Variants in FANCC observed in about 807,000 individuals in gnomAD.
FANCC encodes the protein FA complementation group C, also known as Fanconi anemia group C protein.
A neutral mutation model predicts 71.3 loss-of-function variants in FANCC; 55 were observed. The observed-to-expected ratio is 0.77, with a 90% CI of 0.62 to 0.97. FANCC has a LOEUF of 0.97. FANCC is among the 50% of genes least tolerant of loss of function. The probability of loss-of-function intolerance (pLI) is 0.00; values close to 1 mark genes in which losing one functional copy is unlikely to be tolerated. For synonymous variants in FANCC, 275 were observed against 244.9 expected, an observed-to-expected ratio of 1.12 and a Z score of -1.15; for missense variants, 678 against 670.9, an observed-to-expected ratio of 1.01 and a Z score of -0.12.
intron 13 of FANCC, 50 bp from the exon 14 acceptor site, chr9:95,107,319 C>T (rs1463422094): frequency 1.3e-6 from 2 of 1,567,702 alleles, no homozygotes; most frequent in Non-Finnish European, 1.7e-6. Context: ...GCAGGACAGA[C>T]ATACTTCTAG....
chr9:95,116,743 G>A (rs2072455575), intron 11 of FANCC, among the ~76,000 whole-genome samples: 1 of 152,234 alleles, frequency 6.6e-6, no homozygotes, highest in Non-Finnish European at 1.5e-5. Flanking sequence ...CCAGTCGAAT[G>A]AAGGCTGGAA....
chr9:95,143,809 TCTTTA>T (rs1209117345), intron 7 of FANCC, among the ~76,000 whole-genome samples: 23 of 152,168 alleles, frequency 1.5e-4, no homozygotes, highest in African/African-American at 5.6e-4. Context: ...TTTTATGCCG[TCTTTA>T]GCCTGCAGGT....
intron 1 of FANCC, among the ~76,000 whole-genome samples, chr9:95,275,004 C>T (rs1157032757): frequency 1.3e-5 from 2 of 151,218 alleles, no homozygotes; most frequent in Non-Finnish European, 2.9e-5. Flanking sequence ...GTGGCTCATG[C>T]TTGTAATCCC....
chr9:95,267,322 T>C (rs1832439311), intron 1 of FANCC, among the ~76,000 whole-genome samples: 1 of 152,134 alleles, frequency 6.6e-6, no homozygotes, highest in African/African-American at 2.4e-5. Context: ...GGAGGACACC[T>C]GTCAGGCAGG....
At chr9:95,135,593 A>G in intron 7 of FANCC, 91 bp from the exon 8 acceptor site, 2 of 1,050,728 alleles carry the variant, frequency 1.9e-6, no homozygotes, top group South Asian at 1.4e-5. Context: ...CACTAATCCA[A>G]TTTGTGAGAC....
intron 4 of FANCC, among the ~76,000 whole-genome samples, chr9:95,204,816 T>C (rs1000876816): frequency 1.3e-5 from 2 of 152,196 alleles, no homozygotes; most frequent in African/African-American, 2.4e-5. Context: ...ACCCAGACTC[T>C]GGAGTTCCAA....
In FANCC at chr9:95,138,688, C is replaced by T. The variant is rs73654534; in HGVS notation, c.687-3186G>A. On this transcript the variant is annotated intron_variant, in intron 7 of 14. Transcript: ENST00000289081. Reference sequence around the variant, plus strand: ...CACATCCTGGCCGAGAGCCATGGCACGGTGTTTGTCATTCATCCTGCCAGG... The same window carrying T: ...CACATCCTGGCCGAGAGCCATGGCATGGTGTTTGTCATTCATCCTGCCAGG... Among the ~76,000 whole-genome samples, 572 of 152,302 alleles carry T rather than the reference C, an allele frequency of 3.8e-3. 2 individuals are homozygous for T. The highest frequency in any genetic ancestry group is 0.013 in the African/African-American group (554 of 41,574).
intron 8 of FANCC, among the ~76,000 whole-genome samples, chr9:95,134,816 G>A (rs906606121): frequency 4.6e-5 from 7 of 152,224 alleles, no homozygotes; most frequent in Admixed American, 1.3e-4. Context: ...GCACAGTCCT[G>A]AGCGGGAAGG....
intron 6 of FANCC, among the ~76,000 whole-genome samples, chr9:95,150,876 CT>C (rs1393442176): frequency 2.0e-5 from 3 of 152,196 alleles, no homozygotes; most frequent in Non-Finnish European, 4.4e-5. Context: ...TCAAATGTCC[CT>C]TTGTTAAGTG....
chr9:95,166,531 T>A (rs1373829921), intron 6 of FANCC, among the ~76,000 whole-genome samples: 1 of 152,160 alleles, frequency 6.6e-6, no homozygotes, highest in South Asian at 2.1e-4. Context: ...ACAAATTACA[T>A]CCTTTTCTAT....
rs975109683 is a variant in FANCC at position 95,219,781 on chromosome 9, G to A, written c.345+20868C>T. Among the ~76,000 whole-genome samples the A allele has an allele frequency of 1.2e-4, 19 of 152,074 alleles. 1 individual carries two copies. The highest frequency in any genetic ancestry group is 4.3e-4 in the African/African-American group (18 of 41,418). On this transcript the variant is annotated intron_variant, in intron 4 of 14. Coordinates refer to ENST00000289081, the MANE Select transcript of FANCC (RefSeq NM_000136.3). ...AAAAACCCTAGAAGAAAACCTAGGC[G>A]TACCATTCAGGATCTAGGCATGGAC...
intron 6 of FANCC, among the ~76,000 whole-genome samples, chr9:95,159,038 T>A (rs771905392): frequency 2.0e-5 from 3 of 152,198 alleles, no homozygotes; most frequent in Non-Finnish European, 4.4e-5. Flanking sequence ...TTGACCTTTT[T>A]TTTTTTAATT....
chr9:95,289,409 T>C (rs1209108862), intron 1 of FANCC, among the ~76,000 whole-genome samples: 2 of 152,074 alleles, frequency 1.3e-5, no homozygotes, highest in East Asian at 1.9e-4. Flanking sequence ...CAACTGAACC[T>C]TGAAGTGCGC....
At chr9:95,113,304 TAC>T (rs2072109428) in intron 12 of FANCC, among the ~76,000 whole-genome samples, 1 of 152,154 alleles carries the variant, frequency 6.6e-6, no homozygotes, top group African/African-American at 2.4e-5. Context: ...GGTGTGAGAC[TAC>T]AGAGAATTCC....
chr9:95,294,726 T>C lies in FANCC; in HGVS notation c.-79+22800A>G. ...CAATGGACGACTTTCTTCTGGCTGA[T>C]ATGGCCTGGAACATGATGGAGTCTC... On this transcript the variant is annotated intron_variant, in intron 1 of 14. Transcript: ENST00000289081. 4 of 1,602,770 alleles carry C rather than the reference T, an allele frequency of 2.5e-6. No homozygotes were observed. The South Asian group carries it at 4.4e-5, about 18-fold the overall frequency.
intron 4 of FANCC, among the ~76,000 whole-genome samples, chr9:95,233,973 C>T (rs960826330): frequency 6.6e-6 from 1 of 152,202 alleles, no homozygotes. Context: ...GTTCCCACTT[C>T]CTCTCAGGAT....
chr9:95,311,133 A>C (rs1363258006), intron 1 of FANCC, among the ~76,000 whole-genome samples: 1 of 150,918 alleles, frequency 6.6e-6, no homozygotes, highest in Non-Finnish European at 1.5e-5. Context: ...AGTCCCAGCT[A>C]CTCAGGAGGA....
intron 10 of FANCC, among the ~76,000 whole-genome samples, chr9:95,119,849 C>T (rs1233879373): frequency 4.6e-5 from 7 of 152,130 alleles, no homozygotes; most frequent in Admixed American, 3.9e-4. Context: ...GTAGCTAGGA[C>T]AACAGGTGTG....
chr9:95,193,923 C>T (rs577849040), intron 4 of FANCC, among the ~76,000 whole-genome samples: 19 of 152,286 alleles, frequency 1.2e-4, no homozygotes, highest in African/African-American at 4.3e-4. Context: ...GGCCCAGGAA[C>T]CAGGAGGACA....
Sources: allele counts gnomAD v4.1 joint callset (sites outside exome capture counted in the v4.1 genomes callset), GRCh38; gene constraint gnomAD v4.1.1; transcripts MANE v1.5; gene names NCBI Gene and HGNC (gene_info 2026-07-23, HGNC 2026-07-21).